Variants in OR6N1 observed in about 807,000 individuals in gnomAD.
The protein encoded by OR6N1 is olfactory receptor family 6 subfamily N member 1.
For synonymous variants in OR6N1, 170 were observed against 150.7 expected, an observed-to-expected ratio of 1.13 and a Z score of -0.94; for missense variants, 394 against 371.7, an observed-to-expected ratio of 1.06 and a Z score of -0.49.
chr1:158,793,881 T>C, the OR6N1 span, among the ~76,000 whole-genome samples: 5 of 152,288 alleles, frequency 3.3e-5, no homozygotes, highest in South Asian at 8.3e-4. Context: ...CTCAGTGAGA[T>C]GCACCAGGTC....
At chr1:158,793,617 T>C in the OR6N1 span, among the ~76,000 whole-genome samples, 4 of 152,194 alleles carry the variant, frequency 2.6e-5, no homozygotes, top group Non-Finnish European at 2.9e-5. Flanking sequence ...ATGTGCTGGG[T>C]GTGTAAGCAG....
the OR6N1 span, among the ~76,000 whole-genome samples, chr1:158,799,536 T>C: frequency 6.6e-6 from 1 of 152,202 alleles, no homozygotes; most frequent in African/African-American, 2.4e-5. Flanking sequence ...TCTTGGTTTT[T>C]AAATGAAAGT....
the OR6N1 span, among the ~76,000 whole-genome samples, chr1:158,798,016 C>A: frequency 1.3e-5 from 2 of 151,598 alleles, no homozygotes; most frequent in African/African-American, 2.4e-5. Flanking sequence ...GAAATGAATC[C>A]AGCCAATTTA....
At chr1:158,827,122 T>C in the OR6N1 span, among the ~76,000 whole-genome samples, 1 of 152,324 alleles carries the variant, frequency 6.6e-6, no homozygotes, top group African/African-American at 2.4e-5. Context: ...AGATTTTTTG[T>C]TTGGGGAGAG....
At chr1:158,776,916 G>A (rs1657613127), upstream of OR6N1, 1 of 1,614,038 alleles carries the variant, frequency 6.2e-7, no homozygotes, top group East Asian at 2.2e-5. Context: ...GTGAGGCACA[G>A]GTAGAAAAGG....
the OR6N1 span, among the ~76,000 whole-genome samples, chr1:158,789,236 C>T: frequency 6.6e-5 from 10 of 152,252 alleles, no homozygotes; most frequent in African/African-American, 2.4e-4. Flanking sequence ...TTTTCTTAAT[C>T]CACTTATCCA....
At chr1:158,775,662 T>C (rs186542687), upstream of OR6N1, 1 of 152,266 alleles carries the variant, frequency 6.6e-6, no homozygotes, top group Non-Finnish European at 1.5e-5. Flanking sequence ...ATTAATCCAA[T>C]TGAGAGATGT....
the OR6N1 span, among the ~76,000 whole-genome samples, chr1:158,801,146 T>C: frequency 2.0e-5 from 3 of 149,928 alleles, no homozygotes; most frequent in Non-Finnish European, 4.4e-5. Flanking sequence ...TGTTAGTCAG[T>C]ATGTTGCTGC....
chr1:158,765,921 G>A lies in OR6N1; in HGVS notation c.762C>T (p.Ser254=). The change falls in exon 2 of 2, where the codon AGC becomes AGT. Residue 254 remains serine, a synonymous_variant. Transcript: ENST00000641846. ...TCAGCTGCACATACATGGAAAGGATGCTCCCATAGAAGATGAGAACCACAG... is the reference window on the plus strand; with the variant it reads ...TCAGCTGCACATACATGGAAAGGATACTCCCATAGAAGATGAGAACCACAG... ...HFTVVLIFYG[S]ILSMYVQLKK... is the part of the protein sequence containing the mutation. The A allele has an allele frequency of 3.1e-6, 5 of 1,614,158 alleles. No homozygotes were observed. Among genetic ancestry groups the A allele is most frequent in the Middle Eastern group, 1.6e-4 (1 of 6,062 alleles).
At chr1:158,820,158 G>T in the OR6N1 span, among the ~76,000 whole-genome samples, 2 of 152,222 alleles carry the variant, frequency 1.3e-5, no homozygotes, top group African/African-American at 4.8e-5. Flanking sequence ...TCATGCTATT[G>T]TTTGTGGCTT....
upstream of OR6N1, chr1:158,775,224 G>C (rs1657561930): frequency 6.6e-6 from 1 of 152,192 alleles, no homozygotes; most frequent in African/African-American, 2.4e-5. Flanking sequence ...AAATTAGACT[G>C]AGTGTTCAGA....
rs1226381205 is a variant in OR6N1 at position 158,766,698 on chromosome 1, T to A, written c.-16A>T. On this transcript the variant is annotated splice_region_variant and 5_prime_UTR_variant, in exon 2 of 2. Coordinates refer to ENST00000641846, the MANE Select transcript of OR6N1 (RefSeq NM_001005185.2). ...CTGTGTCCATTGCTCACCATTCATG[T>A]CCCTAGATGTGAAGTGTGGAAGGAT... 6.3e-7 allele frequency: 1 copy of A among 1,580,922 alleles called. No individual in the cohort carries two copies. Among genetic ancestry groups the A allele is most frequent in the Admixed American group, 1.7e-5 (1 of 58,274 alleles).
At chr1:158,819,869 C>T in the OR6N1 span, among the ~76,000 whole-genome samples, 14,462 of 152,146 alleles carry the variant, frequency 0.095, 740 homozygotes, top group East Asian at 0.11. Flanking sequence ...AACTTTGCGC[C>T]GAGTTCAGCT....
chr1:158,811,806 C>A, the OR6N1 span, among the ~76,000 whole-genome samples: 1 of 152,156 alleles, frequency 6.6e-6, no homozygotes, highest in African/African-American at 2.4e-5. Context: ...TCTCTTCATA[C>A]CAACCTGAAA....
chr1:158,772,982 G>C (rs994464869), upstream of OR6N1, among the ~76,000 whole-genome samples: 1 of 152,008 alleles, frequency 6.6e-6, no homozygotes, highest in African/African-American at 2.4e-5. Context: ...AATTTAAAAA[G>C]TATAAGGAAG....
the OR6N1 span, among the ~76,000 whole-genome samples, chr1:158,834,993 A>G: frequency 7.9e-5 from 12 of 152,206 alleles, no homozygotes; most frequent in African/African-American, 2.4e-4. Flanking sequence ...CTTTATGCCA[A>G]TACCACACTG....
chr1:158,795,469 T>A, the OR6N1 span, among the ~76,000 whole-genome samples: 3 of 152,166 alleles, frequency 2.0e-5, no homozygotes, highest in Admixed American at 6.5e-5. Flanking sequence ...CTACTCAGAT[T>A]ATACTGCAAA....
At chr1:158,837,634 C>T in the OR6N1 span, among the ~76,000 whole-genome samples, 2 of 151,398 alleles carry the variant, frequency 1.3e-5, no homozygotes, top group Non-Finnish European at 3.0e-5. Flanking sequence ...ACTTGGATCC[C>T]CTGTTTTTAA....
the OR6N1 span, among the ~76,000 whole-genome samples, chr1:158,809,838 A>G: frequency 6.6e-6 from 1 of 152,180 alleles, no homozygotes; most frequent in Non-Finnish European, 1.5e-5. Flanking sequence ...ATCTCCAAAA[A>G]CTATAATATC....
Sources: gnomAD v4.1 joint callset for allele counts (sites outside exome capture counted in the v4.1 genomes callset) on GRCh38, gnomAD v4.1.1 for gene constraint, MANE v1.5 for transcripts, NCBI Gene and HGNC (gene_info 2026-07-23, HGNC 2026-07-21) for gene names.